TMSB15B: variants seen among roughly 807,000 people sequenced by gnomAD.
TMSB15B encodes thymosin beta 15B, also known as thymosin beta-15B.
chrX:103,928,548 A>C (rs1267488779), intron 1 of TMSB15B: 38 of 1,183,211 alleles, frequency 3.2e-5, no homozygotes, highest in African/African-American at 8.9e-5. Context: ...AAGCTCGCTT[A>C]CCCAGCACCT....
At chrX:103,940,974 C>A (rs1301245193) in intron 1 of TMSB15B, among the ~76,000 whole-genome samples, 3 of 111,279 alleles carry the variant, frequency 2.7e-5, no homozygotes, top group Non-Finnish European at 5.7e-5. Flanking sequence ...GTAGTTCCCC[C>A]ACCCCTTGAG....
At chrX:103,952,561 G>C (rs1367973672) in intron 1 of TMSB15B, among the ~76,000 whole-genome samples, 3 of 111,393 alleles carry the variant, frequency 2.7e-5, no homozygotes, top group East Asian at 5.6e-4. Context: ...GGATTAGCAA[G>C]GGTGCATTGT....
chrX:103,950,990 G>C (rs1393696375), intron 1 of TMSB15B, among the ~76,000 whole-genome samples: 1 of 111,408 alleles, frequency 9.0e-6, no homozygotes, highest in Non-Finnish European at 1.9e-5. Flanking sequence ...CACACTGAGT[G>C]GCTTAAACAA....
chrX:103,934,426 G>T (rs2074992156), intron 1 of TMSB15B, among the ~76,000 whole-genome samples: 1 of 110,098 alleles, frequency 9.1e-6, no homozygotes, highest in Admixed American at 9.7e-5. Flanking sequence ...GTGCCATAGT[G>T]GTTTGCTGCA....
chrX:103,943,351 G>A (rs1193457373), intron 1 of TMSB15B, among the ~76,000 whole-genome samples: 2 of 111,848 alleles, frequency 1.8e-5, no homozygotes, highest in Non-Finnish European at 3.8e-5. Flanking sequence ...CACATAGTAA[G>A]TGCTCAATAG....
Position 103,948,017 on chromosome X carries a change from C to T in TMSB15B, c.-720-14004C>T, listed in dbSNP as rs1556327676. On this transcript the variant is annotated intron_variant, in intron 1 of 3. Coordinates refer to the TMSB15B transcript ENST00000419165. ...GAACATTTGGGGACAGGGAGGGGAA[C>T]ATCACACACTGGAGCCTGTCGGGGA... 1.8e-5 allele frequency among the ~76,000 whole-genome samples: 2 copies of T among 110,846 alleles called. 1 individual carries two copies. Among genetic ancestry groups the T allele is most frequent in the Admixed American group, 1.9e-4 (2 of 10,411 alleles).
In TMSB15B at chrX:103,927,662, GTT is replaced by G. The variant is rs1157847043; in HGVS notation, c.-721+8387_-721+8388del. On this transcript the variant is annotated intron_variant, in intron 1 of 3. Coordinates refer to the TMSB15B transcript ENST00000419165. ...TTCTGCCTCTGCAAGATAGTGCCAGGTTTTTTTTTTTTTTTTTTGAAACAGAA... is the reference window on the plus strand; with the variant it reads ...TTCTGCCTCTGCAAGATAGTGCCAGGTTTTTTTTTTTTTTTTGAAACAGAA... Among the ~76,000 whole-genome samples the G allele has an allele frequency of 9.0e-3, 727 of 80,806 alleles. 4 individuals are homozygous for G. Among genetic ancestry groups the G allele is most frequent in the African/African-American group, 0.017 (382 of 23,055 alleles). 70.2% of individuals were successfully genotyped at this position (80,806 alleles called of 115,157 possible).
intron 1 of TMSB15B, among the ~76,000 whole-genome samples, chrX:103,947,126 A>C (rs781892461): frequency 6.3e-5 from 7 of 111,079 alleles, no homozygotes; most frequent in Non-Finnish European, 1.1e-4. Context: ...AAAAACCAAG[A>C]GCCCACAAGC....
At chrX:103,930,763 T>A (rs1431858409) in intron 1 of TMSB15B, among the ~76,000 whole-genome samples, 12 of 101,749 alleles carry the variant, frequency 1.2e-4, no homozygotes, top group Admixed American at 2.1e-4. Flanking sequence ...ATAATAATAA[T>A]AATAAATTAC....
intron 1 of TMSB15B, chrX:103,931,986 A>G (rs1556320021): frequency 1.8e-5 from 2 of 112,141 alleles, no homozygotes; most frequent in African/African-American, 6.5e-5. Context: ...AGCTGAATAT[A>G]TGGAGGTTCC....
Position 103,944,436 on chromosome X carries a change from T to C in TMSB15B, c.-720-17585T>C, listed in dbSNP as rs370540022. On this transcript the variant is annotated intron_variant, in intron 1 of 3. Transcript: ENST00000419165. ...GTGGCTCCAGATTCTTTGTTCTTAGTCATTGTGCTATAGTGCAAAACAACA... is the reference window on the plus strand; with the variant it reads ...GTGGCTCCAGATTCTTTGTTCTTAGCCATTGTGCTATAGTGCAAAACAACA... 3.4e-4 allele frequency among the ~76,000 whole-genome samples: 38 copies of C among 112,507 alleles called. 3 individuals carry two copies. The highest frequency in any genetic ancestry group is 2.3e-3 in the Admixed American group (25 of 10,640).
rs782597045 is a variant in TMSB15B at position 103,950,615 on chromosome X, T to A, written c.-720-11406T>A. Among the ~76,000 whole-genome samples, 69 of 107,498 alleles carry A rather than the reference T, an allele frequency of 6.4e-4. 1 individual carries two copies. Among genetic ancestry groups the A allele is most frequent in the Middle Eastern group, 4.8e-3 (1 of 208 alleles). The allele number at this position is 107,498 out of a possible 115,157, so 93.3% of individuals were successfully genotyped here. On this transcript the variant is annotated intron_variant, in intron 1 of 3. Coordinates refer to the TMSB15B transcript ENST00000419165. ...TGGGAAAGTGGAGCCAAGAGAAAAA[T>A]ATATATATATATATATAAAACAATT...
chrX:103,928,879 T>C, intron 1 of TMSB15B: 9 of 1,205,620 alleles, frequency 7.5e-6, no homozygotes, highest in Non-Finnish European at 1.0e-5. Context: ...GTGGAACACT[T>C]GGGGCCAAAA....
rs782819480 is a variant in TMSB15B, at chrX:103,954,704, T to C, written c.-720-7317T>C. Among the ~76,000 whole-genome samples, 8 of 110,887 alleles carry C rather than the reference T, an allele frequency of 7.2e-5. No individual in the cohort carries two copies. In the South Asian group the frequency reaches 3.1e-3, roughly 43 times the overall value. ...ACAGGGGATCTGCCCATACCGTGAG[T>C]GATCACTCCTGCTTGTGGGGCACAG... On this transcript the variant is annotated intron_variant, in intron 1 of 3. Transcript: ENST00000419165.
Position 103,935,722 on chromosome X carries a change from G to A in TMSB15B, c.-721+16430G>A, listed in dbSNP as rs138796325. ...ATATCTGTTTTGGTACCAGTACCAT[G>A]CTGTTTTGGTTACTGTGGCCTCGTA... On this transcript the variant is annotated intron_variant, in intron 1 of 3. Transcript: ENST00000419165. Among the ~76,000 whole-genome samples, 665 of 111,143 alleles carry A rather than the reference G, an allele frequency of 6.0e-3. 9 individuals carry two copies. Among genetic ancestry groups the A allele is most frequent in the African/African-American group, 0.02 (612 of 30,584 alleles).
At chrX:103,938,789 T>C (rs1556322927) in intron 1 of TMSB15B, among the ~76,000 whole-genome samples, 1 of 112,203 alleles carries the variant, frequency 8.9e-6, no homozygotes, top group Admixed American at 9.4e-5. Context: ...CAGTGGCTGG[T>C]ACCAGTTTTT....
chrX:103,944,562 G>A (rs2075020409), intron 1 of TMSB15B, among the ~76,000 whole-genome samples: 1 of 111,548 alleles, frequency 9.0e-6, no homozygotes, highest in Admixed American at 9.5e-5. Context: ...AGCTGGGTTT[G>A]GGAAGATAGT....
At chrX:103,933,418 T>C (rs1191773030) in intron 1 of TMSB15B, among the ~76,000 whole-genome samples, 1 of 111,138 alleles carries the variant, frequency 9.0e-6, no homozygotes, top group African/African-American at 3.3e-5. Context: ...TTAAAGAACA[T>C]TTTTAAAGCT....
chrX:103,921,671 A>G (rs2074953359), intron 1 of TMSB15B, among the ~76,000 whole-genome samples: 1 of 112,216 alleles, frequency 8.9e-6, no homozygotes, highest in Non-Finnish European at 1.9e-5. Context: ...TGTAATTTTA[A>G]CACATAAACC....
Sources: allele counts gnomAD v4.1 joint callset (sites outside exome capture counted in the v4.1 genomes callset), GRCh38; gene constraint gnomAD v4.1.1; transcripts MANE v1.5; gene names NCBI Gene and HGNC (gene_info 2026-07-23, HGNC 2026-07-21).